The following IGSF21 variants were observed in gnomAD, a reference collection of about 807,000 sequenced individuals.
IGSF21 encodes the protein immunoglobin superfamily member 21, also known as immunoglobulin superfamily member 21.
IGSF21 carries 28 observed loss-of-function variants against 46.8 expected under a neutral mutation model. The observed-to-expected ratio is 0.60, with a 90% CI of 0.44 to 0.82. The LOEUF (loss-of-function observed/expected upper bound fraction) is 0.82, where lower values mean the gene tolerates loss of function less well. IGSF21 is among the 40% of genes least tolerant of loss of function. The pLI, the probability that IGSF21 is intolerant of heterozygous loss-of-function variation, is 0.00. For missense variants in IGSF21, 624 were observed against 665.5 expected (o/e 0.94, Z 0.69); for synonymous variants, 284 against 273.6 (o/e 1.04, Z -0.38).
intron 3 of IGSF21, among the ~76,000 whole-genome samples, chr1:18,304,925 A>C (rs1446199096): frequency 1.3e-5 from 2 of 152,244 alleles, no homozygotes; most frequent in Non-Finnish European, 2.9e-5. Context: ...ATTTCTTCAC[A>C]TTAGAATTTG....
At chr1:18,243,493 G>A (rs931205437) in intron 2 of IGSF21, among the ~76,000 whole-genome samples, 16 of 152,116 alleles carry the variant, frequency 1.1e-4, no homozygotes, top group African/African-American at 3.9e-4. Context: ...CTTCAAGTCA[G>A]CACCCTCCTG....
At chr1:18,202,683 C>T (rs553579970) in intron 1 of IGSF21, among the ~76,000 whole-genome samples, 1 of 152,166 alleles carries the variant, frequency 6.6e-6, no homozygotes, top group African/African-American at 2.4e-5. Context: ...GGGAAACCGG[C>T]CCCATAATCC....
chr1:18,365,753 A>G lies in IGSF21; in HGVS notation c.1015+56A>G, dbSNP rs1018435787. 31 of 1,455,368 alleles carry G rather than the reference A, an allele frequency of 2.1e-5. No homozygotes were observed. The highest frequency in any genetic ancestry group is 2.8e-5 in the Non-Finnish European group (30 of 1,061,854). The allele number at this position is 1,455,368 out of a possible 1,614,324, so 90.2% of individuals were successfully genotyped here. A position where few individuals can be genotyped will look rare whatever the true frequency, so the allele number is the denominator to read the frequency against. On this transcript the variant is annotated intron_variant, in intron 6 of 9. Coordinates refer to ENST00000251296, the MANE Select transcript of IGSF21 (RefSeq NM_032880.5). This position sits in a 1 kb window ranked among gnomAD's most constrained non-coding sequence, Gnocchi z 4.8. ...CCCTTGCAGACCTGGGTGTGGGGAG[A>G]GCCTTGGAATAGGGTTCCTGGGCTG... is the stretch of plus-strand genomic sequence containing the variant.
chr1:18,280,645 G>T (rs1402917672), intron 2 of IGSF21, among the ~76,000 whole-genome samples: 1 of 152,076 alleles, frequency 6.6e-6, no homozygotes, highest in Non-Finnish European at 1.5e-5. Flanking sequence ...CAGGGAGATA[G>T]GAGATCTCAA....
At chr1:18,246,078 G>T (rs549293126) in intron 2 of IGSF21, among the ~76,000 whole-genome samples, 6 of 152,182 alleles carry the variant, frequency 3.9e-5, no homozygotes, top group Non-Finnish European at 8.8e-5. Flanking sequence ...TTGCATCTGG[G>T]ACTTGCTGCT....
At chr1:18,309,938 G>A (rs886359076) in intron 3 of IGSF21, among the ~76,000 whole-genome samples, 4 of 152,132 alleles carry the variant, frequency 2.6e-5, no homozygotes, top group East Asian at 1.9e-4. Flanking sequence ...GATGCCAGCC[G>A]ACGAGGCCCT....
rs949775335 is a variant in IGSF21, at chr1:18,365,848, G to C, written c.1015+151G>C. On this transcript the variant is annotated intron_variant, in intron 6 of 9. Transcript: ENST00000251296. The surrounding 1 kb of genome is among the most constrained non-coding windows in gnomAD (Gnocchi z 4.8). ...AGGATGAGCACAAATGGTAGAGTCA[G>C]GTTCTTAGGGAGGTTTGCTGAGCTG... 6 of 682,794 alleles carry C rather than the reference G, an allele frequency of 8.8e-6. No homozygotes were observed. The highest frequency in any genetic ancestry group is 3.6e-5 in the African/African-American group (2 of 55,242). The allele number at this position is 682,794 out of a possible 1,614,324, so 42.3% of individuals were successfully genotyped here.
At chr1:18,198,684 G>GA (rs775680146) in intron 1 of IGSF21, among the ~76,000 whole-genome samples, 9 of 149,946 alleles carry the variant, frequency 6.0e-5, no homozygotes, top group Non-Finnish European at 1.3e-4. Flanking sequence ...ATGGGATCAA[G>GA]AGAGAGAGAG....
chr1:18,235,175 C>G (rs1296698814), intron 2 of IGSF21, among the ~76,000 whole-genome samples: 2 of 152,186 alleles, frequency 1.3e-5, no homozygotes, highest in Non-Finnish European at 2.9e-5. Context: ...AACGAGTTCC[C>G]CAGATGACAG....
chr1:18,200,907 G>A (rs1359255333), intron 1 of IGSF21, among the ~76,000 whole-genome samples: 2 of 152,136 alleles, frequency 1.3e-5, no homozygotes, highest in Non-Finnish European at 2.9e-5. Flanking sequence ...TAATGAGGAG[G>A]GGTCCACCTT....
intron 1 of IGSF21, among the ~76,000 whole-genome samples, chr1:18,193,552 G>A (rs2124477739): frequency 6.6e-6 from 1 of 152,284 alleles, no homozygotes; most frequent in South Asian, 2.1e-4. Flanking sequence ...CATCCAGCAT[G>A]GGAGAAAGAT....
At chr1:18,137,393 A>T (rs1048986266) in intron 1 of IGSF21, among the ~76,000 whole-genome samples, 1 of 152,182 alleles carries the variant, frequency 6.6e-6, no homozygotes, top group Non-Finnish European at 1.5e-5. Context: ...ACACACATCC[A>T]CCTGATCCCC....
At chr1:18,121,995 G>A (rs759770409) in intron 1 of IGSF21, among the ~76,000 whole-genome samples, 43 of 152,152 alleles carry the variant, frequency 2.8e-4, no homozygotes, top group Non-Finnish European at 4.7e-4. Flanking sequence ...CACCAGGATG[G>A]CTTTGGTCAC....
chr1:18,120,242 G>A (rs61765734), intron 1 of IGSF21, among the ~76,000 whole-genome samples: 10,826 of 152,274 alleles, frequency 0.071, 498 homozygotes, highest in Middle Eastern at 0.16. Context: ...AGGAGTAGAT[G>A]TAACCAGAAA....
chr1:18,300,108 C>T (rs928410321), intron 3 of IGSF21, among the ~76,000 whole-genome samples: 11 of 152,118 alleles, frequency 7.2e-5, no homozygotes, highest in African/African-American at 2.7e-4. Context: ...CAACAAGCCA[C>T]CCACTGGTGG....
At chr1:18,333,017 G>A (rs551846501) in intron 3 of IGSF21, among the ~76,000 whole-genome samples, 15 of 152,336 alleles carry the variant, frequency 9.8e-5, no homozygotes, top group Non-Finnish European at 1.9e-4. Context: ...GCAGGTGGGA[G>A]AGCAAAGTGG....
intron 1 of IGSF21, among the ~76,000 whole-genome samples, chr1:18,203,613 G>T (rs1295585089): frequency 1.3e-5 from 2 of 152,132 alleles, no homozygotes; most frequent in Non-Finnish European, 2.9e-5. Flanking sequence ...CCAGCCCCTT[G>T]ATAACTAATT....
intron 1 of IGSF21, among the ~76,000 whole-genome samples, chr1:18,174,625 AG>A (rs1346230229): frequency 1.3e-5 from 2 of 152,140 alleles, no homozygotes; most frequent in African/African-American, 4.8e-5. Flanking sequence ...TTCTTTGCTT[AG>A]GGTTCTCTTT....
rs2086151261 is a variant in IGSF21 at position 18,365,349 on chromosome 1, A to G, written c.667A>G (p.Thr223Ala). ...RSLLHRDLDD[T>A]KMQKSLSLLD... ...CCTTCTGCACCGTGACCTGGATGACACCAAGATGCAGAAGTCACTGTCCCT... is the reference window on the plus strand; with the variant it reads ...CCTTCTGCACCGTGACCTGGATGACGCCAAGATGCAGAAGTCACTGTCCCT... The change falls in exon 6 of 10, where the codon ACC becomes GCC. Residue 223 changes from threonine (T) to alanine (A), a missense_variant. Thr to Ala is a moderately conservative substitution (Grantham distance 58). Coordinates refer to ENST00000251296, the MANE Select transcript of IGSF21 (RefSeq NM_032880.5). The surrounding 1 kb of genome is among the most constrained non-coding windows in gnomAD (Gnocchi z 4.8). 1 of 1,613,880 alleles carries G rather than the reference A, an allele frequency of 6.2e-7. No individual in the cohort carries two copies. The highest frequency in any genetic ancestry group is 8.5e-7 in the Non-Finnish European group (1 of 1,179,990).
Sources: allele counts gnomAD v4.1 joint callset (sites outside exome capture counted in the v4.1 genomes callset), GRCh38; gene constraint gnomAD v4.1.1; non-coding constraint Gnocchi (gnomAD v3.1); transcripts MANE v1.5; gene names NCBI Gene and HGNC (gene_info 2026-07-23, HGNC 2026-07-21).